TIMM23B: variants seen among roughly 807,000 people sequenced by gnomAD.
TIMM23B encodes translocase of inner mitochondrial membrane 23 homolog B, also known as mitochondrial import inner membrane translocase subunit Tim23B.
TIMM23B carries 27 observed loss-of-function variants against 27.3 expected under a neutral mutation model. The ratio of observed to expected loss-of-function variants is 0.99; its 90% CI spans 0.73 to 1.36. The LOEUF (loss-of-function observed/expected upper bound fraction) is 1.36, where lower values mean the gene tolerates loss of function less well. TIMM23B is among the 40% of genes most tolerant of loss of function. TIMM23B has a pLI of 0.00. For missense variants in TIMM23B, 205 were observed against 244.2 expected, an observed-to-expected ratio of 0.84 and a Z score of 1.07; for synonymous variants, 73 against 92.4, an observed-to-expected ratio of 0.79 and a Z score of 1.21.
chr10:49,944,212 G>T (rs1403926429), intron 1 of TIMM23B, among the ~76,000 whole-genome samples: 4 of 152,216 alleles, frequency 2.6e-5, no homozygotes, highest in African/African-American at 9.7e-5. Flanking sequence ...TGTAGACAGT[G>T]AATTGAAGGG....
chr10:49,972,065 G>A (rs1378265976), intron 6 of TIMM23B, among the ~76,000 whole-genome samples: 2 of 152,094 alleles, frequency 1.3e-5, no homozygotes, highest in Non-Finnish European at 2.9e-5. Context: ...TAATTGCTTC[G>A]ATGTGAAACA....
chr10:49,946,428 G>A (rs1839357862), intron 2 of TIMM23B, among the ~76,000 whole-genome samples: 1 of 152,080 alleles, frequency 6.6e-6, no homozygotes, highest in Non-Finnish European at 1.5e-5. Flanking sequence ...GTTTACAAAT[G>A]ACATGATCTT....
chr10:49,958,562 A>C, intron 6 of TIMM23B, 82 bp downstream of exon 6: 2 of 1,168,902 alleles, frequency 1.7e-6, no homozygotes, highest in East Asian at 2.4e-5. Context: ...AGGAAATTAC[A>C]CTCTGTTGCA....
chr10:49,942,377 ATGT>A (rs1839145943), intron 1 of TIMM23B, 77 bp downstream of exon 1: 2 of 1,551,710 alleles, frequency 1.3e-6, no homozygotes, highest in Admixed American at 3.9e-5. Context: ...CCCATGTTTT[ATGT>A]TGTTGGTTTT....
In TIMM23B at chr10:49,973,931, A is replaced by G. The variant is rs1231795760; in HGVS notation, c.*867A>G. The G allele has an allele frequency of 7.8e-6, 1 of 128,450 alleles. No individual in the cohort carries two copies. The highest frequency in any genetic ancestry group is 1.6e-5 in the Non-Finnish European group (1 of 61,548). 8.0% of individuals were successfully genotyped at this position (128,450 alleles called of 1,614,324 possible). A position where few individuals can be genotyped will look rare whatever the true frequency, so the allele number is the denominator to read the frequency against. On this transcript the variant is annotated 3_prime_UTR_variant, in exon 7 of 7. Transcript: ENST00000651259. ...GTTCTCCTGCCTCAGCCTCCCAAGTAGCTGGGACTACAGGCACACACCACC... is the reference window on the plus strand; with the variant it reads ...GTTCTCCTGCCTCAGCCTCCCAAGTGGCTGGGACTACAGGCACACACCACC...
At chr10:49,954,911 C>G in intron 4 of TIMM23B, 91 bp from the exon 5 acceptor site, 4 of 1,496,254 alleles carry the variant, frequency 2.7e-6, no homozygotes, top group African/African-American at 2.8e-5. Context: ...CGCCCTGGGT[C>G]TAGACATGTT....
intron 3 of TIMM23B, 94 bp downstream of exon 3, chr10:49,952,313 T>G: frequency 6.8e-7 from 1 of 1,472,466 alleles, no homozygotes; most frequent in South Asian, 1.2e-5. Context: ...TTTCAGGGTT[T>G]TTTTTTTTAA....
intron 2 of TIMM23B, among the ~76,000 whole-genome samples, chr10:49,946,343 T>G (rs2133050357): frequency 6.6e-6 from 1 of 152,274 alleles, no homozygotes; most frequent in East Asian, 1.9e-4. Flanking sequence ...TCATTTATAT[T>G]CAGCATTGTC....
chr10:49,970,389 G>C lies in TIMM23B; in HGVS notation c.515-2623G>C, dbSNP rs565795392. The C allele has an allele frequency of 8.5e-4, 147 of 173,940 alleles. 1 individual carries two copies. Among genetic ancestry groups the C allele is most frequent in the Non-Finnish European group, 1.3e-3 (110 of 83,904 alleles). 10.8% of individuals were successfully genotyped at this position (173,940 alleles called of 1,614,324 possible). A position where few individuals can be genotyped will look rare whatever the true frequency, so the allele number is the denominator to read the frequency against. On this transcript the variant is annotated intron_variant, in intron 6 of 6. Transcript: ENST00000651259. ...CCACCCATCGTCTGAGATGAGGGGA[G>C]CGCCTCTGCCCCGCCGCCCCGTCTG...
At chr10:49,969,905 C>G (rs1437896728) in intron 6 of TIMM23B, 4 of 159,428 alleles carry the variant, frequency 2.5e-5, no homozygotes, top group African/African-American at 9.6e-5. Context: ...ATTCTCCTGC[C>G]TCAGCCTGCT....
chr10:49,966,467 G>A (rs1489476946), intron 6 of TIMM23B, among the ~76,000 whole-genome samples: 1 of 152,172 alleles, frequency 6.6e-6, no homozygotes, highest in Non-Finnish European at 1.5e-5. Context: ...ATAATGAAAT[G>A]TCAGGTGCAG....
At chr10:49,948,865 A>G (rs1386568239) in intron 2 of TIMM23B, among the ~76,000 whole-genome samples, 3 of 152,162 alleles carry the variant, frequency 2.0e-5, no homozygotes, top group African/African-American at 4.8e-5. Context: ...CATGAGATAC[A>G]TATCAGTAAC....
chr10:49,942,338 G>A, intron 1 of TIMM23B, 38 bp downstream of exon 1: 1 of 1,583,808 alleles, frequency 6.3e-7, no homozygotes, highest in Non-Finnish European at 8.6e-7. Context: ...TTTCTGACTG[G>A]TTCTTGCGTT....
At chr10:49,959,669 C>T in intron 6 of TIMM23B, among the ~76,000 whole-genome samples, 1 of 152,064 alleles carries the variant, frequency 6.6e-6, no homozygotes, top group East Asian at 1.9e-4. Flanking sequence ...TTTTTAACAT[C>T]TAAAAGATTT....
chr10:49,954,990 C>T lies in TIMM23B; in HGVS notation c.345-12C>T. The stretch of plus-strand genomic sequence containing the variant: ...TTCTAAATACAGATTCTTTCTCTTT[C>T]TGCCCTGATAGGATTTTGAATATGG... On this transcript the variant is annotated splice_polypyrimidine_tract_variant and intron_variant, in intron 4 of 6. Transcript: ENST00000651259. 1 of 1,612,382 alleles carries T rather than the reference C, an allele frequency of 6.2e-7. No individual in the cohort carries two copies. The highest frequency in any genetic ancestry group is 1.1e-5 in the South Asian group (1 of 90,984).
In TIMM23B at chr10:49,967,604, T is replaced by C. The variant is rs542064016; in HGVS notation, c.515-5408T>C. 8.7e-3 allele frequency among the ~76,000 whole-genome samples: 1,317 copies of C among 151,734 alleles called. 10 individuals carry two copies. Among genetic ancestry groups the C allele is most frequent in the African/African-American group, 0.03 (1,227 of 41,352 alleles). On this transcript the variant is annotated intron_variant, in intron 6 of 6. Transcript: ENST00000651259. Reference sequence around the variant, plus strand: ...ATTGAAATCTATTTGTCCTGTGACATAGAATTAATGAGTATTCTTTTTTGC... The same window carrying C: ...ATTGAAATCTATTTGTCCTGTGACACAGAATTAATGAGTATTCTTTTTTGC...
chr10:49,953,951 A>G (rs1839623599), intron 4 of TIMM23B, among the ~76,000 whole-genome samples: 1 of 152,242 alleles, frequency 6.6e-6, no homozygotes, highest in African/African-American at 2.4e-5. Context: ...TAGATCTCCT[A>G]GAAAAGACAA....
chr10:49,958,031 G>C (rs1230020010), intron 5 of TIMM23B, among the ~76,000 whole-genome samples: 1 of 152,196 alleles, frequency 6.6e-6, no homozygotes. Flanking sequence ...AGACAGGAAG[G>C]TGTGGGGAAA....
At chr10:49,969,446 A>G (rs1423354083) in intron 6 of TIMM23B, among the ~76,000 whole-genome samples, 9 of 151,952 alleles carry the variant, frequency 5.9e-5, no homozygotes, top group African/African-American at 1.9e-4. Context: ...CAAAAAAAAA[A>G]AAAAAAAAAA....
Sources: allele counts gnomAD v4.1 joint callset (sites outside exome capture counted in the v4.1 genomes callset), GRCh38; gene constraint gnomAD v4.1.1; transcripts MANE v1.5; gene names NCBI Gene and HGNC (gene_info 2026-07-23, HGNC 2026-07-21).